The following ADCK2 variants were observed in gnomAD, a reference collection of about 807,000 sequenced individuals.
ADCK2 encodes uncharacterized aarF domain-containing protein kinase 2.
ADCK2 carries 37 observed loss-of-function variants against 52.3 expected under a neutral mutation model. The ratio of observed to expected loss-of-function variants is 0.71; its 90% CI spans 0.54 to 0.93. ADCK2 has a LOEUF of 0.93. Among genes scored for constraint, ADCK2 ranks in the 40% least tolerant of loss-of-function variants. The probability of loss-of-function intolerance (pLI) is 0.00; values close to 1 mark genes in which losing one functional copy is unlikely to be tolerated. For synonymous variants in ADCK2, 321 were observed against 349.2 expected (o/e 0.92, Z 0.90); for missense variants, 695 against 798.7 (o/e 0.87, Z 1.56).
At position 140,674,514 on chromosome 7, in the gene ADCK2, A is replaced by G; in HGVS notation, c.934-97A>G. On this transcript the variant is annotated intron_variant, in intron 1 of 7. Transcript: ENST00000072869. The surrounding 1 kb of genome is among the most constrained non-coding windows in gnomAD (Gnocchi z 4.6). ...CCACATCCTCTTTTCTTTGATAAGA[A>G]GCCACCTGGCTCTTGCTTGGATGGT... 1 of 1,438,430 alleles carries G rather than the reference A, an allele frequency of 7.0e-7. No homozygotes were observed. The highest frequency in any genetic ancestry group is 2.3e-5 in the East Asian group (1 of 43,150). 89.1% of individuals were successfully genotyped at this position (1,438,430 alleles called of 1,614,324 possible).
chr7:140,675,439 G>A lies in ADCK2; in HGVS notation c.1080+682G>A, dbSNP rs543416838. 1.1e-4 allele frequency among the ~76,000 whole-genome samples: 17 copies of A among 152,288 alleles called. No individual in the cohort carries two copies. In the South Asian group the frequency reaches 3.5e-3, roughly 32 times the overall value. ...AGATGACAGAACTAAGCCACCGTAC[G>A]GTCAAGAGAGGGAGCTCTACTCCCT... On this transcript the variant is annotated intron_variant, in intron 2 of 7. Coordinates refer to ENST00000072869, the MANE Select transcript of ADCK2 (RefSeq NM_052853.4).
Position 140,673,991 on chromosome 7 carries a change from A to G in ADCK2, c.661A>G (p.Thr221Ala). Residue 221 changes from threonine to alanine, a missense_variant, in exon 1 of 8, where the codon ACT becomes GCT. Coordinates refer to ENST00000072869, the MANE Select transcript of ADCK2 (RefSeq NM_052853.4). This position sits in a 1 kb window ranked among gnomAD's most constrained non-coding sequence, Gnocchi z 6.4. ...VAQVYKAYAN[T>A]AFLETDSVQR... Reference sequence around the variant, plus strand: ...CCAGGTGTACAAAGCATACGCCAACACTGCCTTCCTGGAGACTGACAGCGT... The same window carrying G: ...CCAGGTGTACAAAGCATACGCCAACGCTGCCTTCCTGGAGACTGACAGCGT... 1 of 1,614,064 alleles carries G rather than the reference A, an allele frequency of 6.2e-7. No homozygotes were observed. Among genetic ancestry groups the G allele is most frequent in the Non-Finnish European group, 8.5e-7 (1 of 1,180,022 alleles).
chr7:140,674,659 A>C lies in ADCK2; in HGVS notation c.982A>C (p.Met328Leu), dbSNP rs754957785. 2 of 1,614,118 alleles carry C rather than the reference A, an allele frequency of 1.2e-6. No individual in the cohort carries two copies. Among genetic ancestry groups the C allele is most frequent in the Non-Finnish European group, 1.7e-6 (2 of 1,180,020 alleles). Reference protein sequence around the residue: ...LAQVHMDLLLMKIGSRVLGVL... With the variant: ...LAQVHMDLLLLKIGSRVLGVL... ...TCAGGTGCATATGGACCTGCTGCTGATGAAGATTGGCAGCCGAGTCCTGGG... is the reference window on the plus strand; with the variant it reads ...TCAGGTGCATATGGACCTGCTGCTGCTGAAGATTGGCAGCCGAGTCCTGGG... The change falls in exon 2 of 8, where the codon ATG becomes CTG. Residue 328 changes from methionine (M) to leucine (L), a missense_variant. Transcript: ENST00000072869. The surrounding 1 kb of genome is among the most constrained non-coding windows in gnomAD (Gnocchi z 4.6).
intron 2 of ADCK2, among the ~76,000 whole-genome samples, chr7:140,676,515 A>C (rs1794421924): frequency 6.6e-6 from 1 of 152,212 alleles, no homozygotes; most frequent in African/African-American, 2.4e-5. Flanking sequence ...CCCCTTGCGG[A>C]AGTCTGACAG....
Position 140,681,044 on chromosome 7 carries a change from G to GA in ADCK2, c.1213dup (p.Ser405LysfsTer36), listed in dbSNP as rs778676541. On this transcript the variant is annotated frameshift_variant, in exon 4 of 8. Coordinates refer to ENST00000072869, the MANE Select transcript of ADCK2 (RefSeq NM_052853.4). LOFTEE classifies it high-confidence loss of function. Reference sequence around the variant, plus strand: ...TTCTCTCCCTGGTCTTTCTGAAGGAGAGTGTGCCTGTGTCCAGTTACCAGC... The same window carrying GA: ...TTCTCTCCCTGGTCTTTCTGAAGGAGAAGTGTGCCTGTGTCCAGTTACCAGC... 6 of 1,614,046 alleles carry GA rather than the reference G, an allele frequency of 3.7e-6. No homozygotes were observed. The African/African-American group carries it at 8.0e-5, about 22-fold the overall frequency.
intron 7 of ADCK2, among the ~76,000 whole-genome samples, chr7:140,691,290 GTCTA>G (rs1794698841): frequency 1.3e-5 from 2 of 152,344 alleles, no homozygotes; most frequent in East Asian, 1.9e-4. Flanking sequence ...GTAGCTGTTA[GTCTA>G]TCTGTCAAGT....
At chr7:140,690,916 G>GT (rs1283519636) in intron 7 of ADCK2, 103 bp downstream of exon 7, 19 of 1,073,788 alleles carry the variant, frequency 1.8e-5, no homozygotes, top group Non-Finnish European at 8.0e-6. Context: ...TATGGTTCTT[G>GT]TTTTTTGTTG....
intron 7 of ADCK2, 55 bp from the exon 8 acceptor site, chr7:140,694,608 A>C (rs1794763777): frequency 6.4e-7 from 1 of 1,557,318 alleles, no homozygotes; most frequent in Non-Finnish European, 8.8e-7. Context: ...TATCCAGAAC[A>C]CACGTCCCTG....
In ADCK2 at chr7:140,687,254, G is replaced by A; in HGVS notation, c.1557+13G>A. 6.5e-7 allele frequency: 1 copy of A among 1,543,560 alleles called. No homozygotes were observed. The highest frequency in any genetic ancestry group is 1.2e-5 in the South Asian group (1 of 85,118). ...GGTGATGGGGCAGGTGAGACGCACTGGGACCACAGAAGTTGGGGTGAATTT... is the reference window on the plus strand; with the variant it reads ...GGTGATGGGGCAGGTGAGACGCACTAGGACCACAGAAGTTGGGGTGAATTT... On this transcript the variant is annotated intron_variant, in intron 5 of 7. Coordinates refer to ENST00000072869, the MANE Select transcript of ADCK2 (RefSeq NM_052853.4).
Position 140,674,588 on chromosome 7 carries a change from C to G in ADCK2, c.934-23C>G. The G allele has an allele frequency of 6.2e-7, 1 of 1,600,130 alleles. No homozygotes were observed. The highest frequency in any genetic ancestry group is 8.5e-7 in the Non-Finnish European group (1 of 1,170,082). On this transcript the variant is annotated intron_variant, in intron 1 of 7. Transcript: ENST00000072869. This position sits in a 1 kb window ranked among gnomAD's most constrained non-coding sequence, Gnocchi z 4.6. ...AATGTGTCCAGCAGGTTTCTCCTGT[C>G]TCACGGTTCCTCTTTCTGACAGGTG...
intron 2 of ADCK2, among the ~76,000 whole-genome samples, chr7:140,676,726 A>G (rs1403118879): frequency 1.3e-5 from 2 of 152,226 alleles, no homozygotes; most frequent in African/African-American, 4.8e-5. Context: ...AACAGTGACT[A>G]AAAACTCTGT....
intron 6 of ADCK2, among the ~76,000 whole-genome samples, chr7:140,690,499 G>A (rs1476011655): frequency 6.9e-6 from 1 of 144,100 alleles, no homozygotes; most frequent in Non-Finnish European, 1.5e-5. Context: ...GATTTTTGTG[G>A]TTGCTTCAGG....
intron 6 of ADCK2, 77 bp from the exon 7 acceptor site, chr7:140,690,683 A>C (rs1585854964): frequency 2.3e-6 from 3 of 1,331,488 alleles, no homozygotes; most frequent in Non-Finnish European, 3.1e-6. Flanking sequence ...GCTGGGGCTG[A>C]GAGTGTGGGG....
rs1474572060 is a variant in ADCK2 at position 140,673,810 on chromosome 7, G to A, written c.480G>A (p.Ser160=). 1.9e-6 allele frequency: 3 copies of A among 1,613,408 alleles called. No homozygotes were observed. The highest frequency in any genetic ancestry group is 3.3e-5 in the Admixed American group (2 of 59,942). ...CCAGCACCCGGCGCGATCTGTTTTC[G>A]GAGGCTTTCTGTGCCCAATTTTCCA... is the stretch of plus-strand genomic sequence containing the variant. ...QWASTRRDLF[S]EAFCAQFSKL... is the part of the protein sequence containing the mutation. Residue 160 remains serine, a synonymous_variant, in exon 1 of 8, where the codon TCG becomes TCA. Coordinates refer to ENST00000072869, the MANE Select transcript of ADCK2 (RefSeq NM_052853.4). This position sits in a 1 kb window ranked among gnomAD's most constrained non-coding sequence, Gnocchi z 6.4.
In ADCK2 at chr7:140,694,726, C is replaced by G; in HGVS notation, c.1804C>G (p.Arg602Gly). The G allele has an allele frequency of 6.2e-7, 1 of 1,614,154 alleles. No individual in the cohort carries two copies. The highest frequency in any genetic ancestry group is 1.3e-5 in the African/African-American group (1 of 75,040). The change falls in exon 8 of 8, where the codon CGC becomes GGC. Residue 602 changes from arginine (R) to glycine (G), a missense_variant. Transcript: ENST00000072869. ...FAIMVLEGLG[R>G]SLDPKLDILE... ...CATCATGGTGTTGGAGGGGCTTGGC[C>G]GCTCACTGGACCCCAAACTGGACAT... is the stretch of plus-strand genomic sequence containing the variant.
intron 2 of ADCK2, among the ~76,000 whole-genome samples, chr7:140,677,135 C>T (rs1401558714): frequency 6.6e-6 from 1 of 152,192 alleles, no homozygotes; most frequent in African/African-American, 2.4e-5. Flanking sequence ...GGGCCAGGTG[C>T]CGTGGCTCAC....
At position 140,693,246 on chromosome 7, in the gene ADCK2, A is replaced by C. The variant is rs1794737279; in HGVS notation, c.1741-1417A>C. 6.6e-6 allele frequency among the ~76,000 whole-genome samples: 1 copy of C among 152,206 alleles called. No homozygotes were observed. The highest frequency in any genetic ancestry group is 1.5e-5 in the Non-Finnish European group (1 of 68,042). ...GAACCCCCCACCCAGCTTCAGAATG[A>C]AAGCATTCCCAGAGGTGTTAGAGCC... On this transcript the variant is annotated intron_variant, in intron 7 of 7. Coordinates refer to ENST00000072869, the MANE Select transcript of ADCK2 (RefSeq NM_052853.4). The surrounding 1 kb of genome is among the most constrained non-coding windows in gnomAD (Gnocchi z 4.0).
Position 140,674,678 on chromosome 7 carries a change from T to A in ADCK2, c.1001T>A (p.Val334Asp). ...CTGCTGATGAAGATTGGCAGCCGAG[T>A]CCTGGGAGTTTTGCCAGGCATCAAG... ...DLLLMKIGSR[V>D]LGVLPGIKWL... Residue 334 changes from valine (V) to aspartate (D), a missense_variant, in exon 2 of 8, where the codon GTC (valine) becomes GAC (aspartate). Coordinates refer to ENST00000072869, the MANE Select transcript of ADCK2 (RefSeq NM_052853.4). The surrounding 1 kb of genome is among the most constrained non-coding windows in gnomAD (Gnocchi z 4.6). The A allele has an allele frequency of 6.2e-7, 1 of 1,614,112 alleles. No homozygotes were observed. Among genetic ancestry groups the A allele is most frequent in the Non-Finnish European group, 8.5e-7 (1 of 1,180,018 alleles).
chr7:140,677,406 T>TA (rs750949747), intron 2 of ADCK2, among the ~76,000 whole-genome samples: 8,710 of 133,644 alleles, frequency 0.065, 813 homozygotes, highest in African/African-American at 0.22. Context: ...AGACTCCATC[T>TA]AAAAAAAAAA....
Sources: allele counts gnomAD v4.1 joint callset (sites outside exome capture counted in the v4.1 genomes callset), GRCh38; gene constraint gnomAD v4.1.1; non-coding constraint Gnocchi (gnomAD v3.1); transcripts MANE v1.5; gene names NCBI Gene and HGNC (gene_info 2026-07-23, HGNC 2026-07-21).